Variants in NEBL observed in about 807,000 individuals in gnomAD.
NEBL encodes the protein LIM and SH3 protein 2.
In NEBL, 122 loss-of-function variants were observed where a neutral mutation model predicts 140.2. The observed-to-expected ratio is 0.87, with a 90% CI of 0.75 to 1.01. The LOEUF (loss-of-function observed/expected upper bound fraction) is 1.01. Among genes scored for constraint, NEBL ranks in the 50% least tolerant of loss-of-function variants. The pLI is 0.00. For synonymous variants in NEBL, 436 were observed against 398.9 expected (o/e 1.09, Z -1.11); for missense variants, 1,365 against 1,231.3 (o/e 1.11, Z -1.62).
intron 4 of NEBL, among the ~76,000 whole-genome samples, chr10:20,952,858 T>C (rs1589066711): frequency 7.3e-6 from 1 of 136,876 alleles, no homozygotes; most frequent in South Asian, 2.3e-4. Context: ...TAAGCCGAGA[T>C]TGCACCGCTG....
intron 4 of NEBL, among the ~76,000 whole-genome samples, chr10:20,959,043 C>G (rs938446154): frequency 6.6e-6 from 1 of 152,120 alleles, no homozygotes; most frequent in Non-Finnish European, 1.5e-5. Flanking sequence ...TTACCCAAAA[C>G]ACTTAGGAGT....
chr10:21,267,002 TCTCA>T (rs1842804748), intron 1 of NEBL, among the ~76,000 whole-genome samples: 1 of 151,824 alleles, frequency 6.6e-6, no homozygotes, highest in African/African-American at 2.4e-5. Context: ...TCAGACGGAG[TCTCA>T]CTCTGTCACT....
intron 2 of NEBL, among the ~76,000 whole-genome samples, chr10:20,893,065 T>C (rs371283254): frequency 3.3e-5 from 5 of 152,354 alleles, no homozygotes; most frequent in East Asian, 3.9e-4. Flanking sequence ...AAAATATTCT[T>C]CCTGCTGCCA....
At chr10:20,939,302 T>A (rs1834702921) in intron 4 of NEBL, among the ~76,000 whole-genome samples, 1 of 152,184 alleles carries the variant, frequency 6.6e-6, no homozygotes, top group Non-Finnish European at 1.5e-5. Context: ...AGAAAAGAAT[T>A]TTCAACCCAG....
intron 3 of NEBL, among the ~76,000 whole-genome samples, chr10:21,198,660 C>T (rs1384059133): frequency 6.6e-6 from 1 of 152,112 alleles, no homozygotes; most frequent in East Asian, 1.9e-4. Context: ...CATAAAGAGC[C>T]TCCCCATTGC....
chr10:20,833,770 A>AG (rs1564366101), intron 14 of NEBL, among the ~76,000 whole-genome samples: 3 of 151,958 alleles, frequency 2.0e-5, no homozygotes, highest in African/African-American at 7.2e-5. Flanking sequence ...AAAAAAAAAA[A>AG]GAAAAAAAGA....
intron 1 of NEBL, among the ~76,000 whole-genome samples, chr10:21,276,871 A>T (rs1031641700): frequency 1.3e-5 from 2 of 152,120 alleles, no homozygotes; most frequent in Non-Finnish European, 2.9e-5. Flanking sequence ...TGTGAAGCTG[A>T]GGCATGAGAA....
upstream of NEBL, among the ~76,000 whole-genome samples, chr10:20,901,074 GC>G (rs1847851124): frequency 6.6e-6 from 1 of 151,944 alleles, no homozygotes; most frequent in South Asian, 2.1e-4. Flanking sequence ...ACAAACACAA[GC>G]TTTTTTTCAA....
chr10:21,122,583 A>G (rs779270179), intron 2 of NEBL, among the ~76,000 whole-genome samples: 27 of 152,306 alleles, frequency 1.8e-4, no homozygotes, highest in Non-Finnish European at 3.2e-4. Flanking sequence ...GAAATAGTCA[A>G]TGATTTTGAG....
At chr10:21,203,156 A>G (rs1841768786) in intron 3 of NEBL, among the ~76,000 whole-genome samples, 1 of 152,210 alleles carries the variant, frequency 6.6e-6, no homozygotes, top group South Asian at 2.1e-4. Flanking sequence ...GCCTTTATTA[A>G]TATGCTGCTT....
chr10:20,923,803 G>C (rs1833729612), intron 4 of NEBL, among the ~76,000 whole-genome samples: 1 of 149,336 alleles, frequency 6.7e-6, no homozygotes, highest in South Asian at 2.2e-4. Flanking sequence ...CTGGCTCCAA[G>C]AACCTGTTCT....
At chr10:21,131,231 A>T (rs1324026707) in intron 2 of NEBL, among the ~76,000 whole-genome samples, 1 of 152,240 alleles carries the variant, frequency 6.6e-6, no homozygotes, top group Non-Finnish European at 1.5e-5. Context: ...CTGTTCAAGA[A>T]ATTGGATCAA....
intron 2 of NEBL, chr10:21,112,717 T>G (rs1838082446): frequency 6.5e-6 from 1 of 153,420 alleles, no homozygotes; most frequent in Non-Finnish European, 1.4e-5. Flanking sequence ...ATTGTGCACA[T>G]GTACCCTAGA....
At chr10:21,029,490 G>A (rs1329228276) in intron 2 of NEBL, 1 of 1,611,408 alleles carries the variant, frequency 6.2e-7, no homozygotes, top group Admixed American at 1.7e-5. Flanking sequence ...TAGGTAACAG[G>A]AGAATTCGAG....
chr10:20,833,114 C>A (rs540360606), intron 14 of NEBL, among the ~76,000 whole-genome samples: 11 of 152,294 alleles, frequency 7.2e-5, no homozygotes, highest in African/African-American at 2.6e-4. Flanking sequence ...ACATTAGACA[C>A]CCTTTGCATC....
chr10:21,191,411 A>T (rs992134589), intron 3 of NEBL, among the ~76,000 whole-genome samples: 13 of 152,224 alleles, frequency 8.5e-5, no homozygotes, highest in Admixed American at 3.3e-4. Flanking sequence ...CATCCAGACC[A>T]TCTGGCTTTG....
At chr10:21,030,272 C>A (rs769737472) in intron 2 of NEBL, 4 of 619,798 alleles carry the variant, frequency 6.5e-6, no homozygotes, top group Non-Finnish European at 8.5e-6. Context: ...CCCAAGCTGG[C>A]GAAGTGAAGA....
intron 3 of NEBL, among the ~76,000 whole-genome samples, chr10:21,180,590 C>T (rs191056824): frequency 1.3e-5 from 2 of 152,108 alleles, no homozygotes; most frequent in African/African-American, 2.4e-5. Context: ...TTTCCAAATT[C>T]CCCCTCCTTC....
intron 2 of NEBL, among the ~76,000 whole-genome samples, chr10:21,166,558 G>A (rs1338624212): frequency 3.9e-5 from 6 of 152,112 alleles, no homozygotes; most frequent in East Asian, 1.9e-4. Flanking sequence ...GAGGAAAGAC[G>A]GACACTACTG....
Sources: allele counts gnomAD v4.1 joint callset (sites outside exome capture counted in the v4.1 genomes callset), GRCh38; gene constraint gnomAD v4.1.1; transcripts MANE v1.5; gene names NCBI Gene and HGNC (gene_info 2026-07-23, HGNC 2026-07-21).